Variants in P2RY8 observed in about 807,000 individuals in gnomAD.
The protein encoded by P2RY8 is S-geranylgeranyl-glutathione receptor P2RY8.
P2RY8 carries 6 observed loss-of-function variants against 10.0 expected under a neutral mutation model. The ratio of observed to expected loss-of-function variants is 0.60; its 90% CI spans 0.33 to 1.19. P2RY8 has a LOEUF of 1.19. Ranked by LOEUF, P2RY8 falls within the 50% of genes most tolerant of loss-of-function variation. P2RY8 has a pLI of 0.04. For missense variants in P2RY8, 456 were observed against 542.0 expected, an observed-to-expected ratio of 0.84 and a Z score of 1.58; for synonymous variants, 276 against 252.5, an observed-to-expected ratio of 1.09 and a Z score of -0.88.
Position 1,489,355 on chromosome X carries a change from C to T in P2RY8, c.-24-22773G>A, listed in dbSNP as rs1253730853. 7.4e-4 allele frequency among the ~76,000 whole-genome samples: 108 copies of T among 146,150 alleles called. 1 individual carries two copies. Among genetic ancestry groups the T allele is most frequent in the African/African-American group, 2.2e-3 (85 of 39,270 alleles). Reference sequence around the variant, plus strand: ...ACAGTGGAGAGAATGAATGAATGAACGACACCTAAGGATTCCTCACAAATG... The same window carrying T: ...ACAGTGGAGAGAATGAATGAATGAATGACACCTAAGGATTCCTCACAAATG... On this transcript the variant is annotated intron_variant, in intron 1 of 1. Coordinates refer to ENST00000381297, the MANE Select transcript of P2RY8 (RefSeq NM_178129.5).
rs1200187181 is a variant in P2RY8, at chrX:1,463,221, C to T, written c.*2258G>A. ...CAAGGCCCACGCTCAGCACTTGCGA[C>T]CTGTACTCCTGCAGCCTGGATGCTT... On this transcript the variant is annotated 3_prime_UTR_variant, in exon 2 of 2. Transcript: ENST00000381297. 4.3e-6 allele frequency: 1 copy of T among 233,242 alleles called. No homozygotes were observed. The highest frequency in any genetic ancestry group is 8.5e-6 in the Non-Finnish European group (1 of 118,044). The allele number at this position is 233,242 out of a possible 1,614,324, so 14.4% of individuals were successfully genotyped here.
chrX:1,501,877 G>A (rs1193808497), intron 1 of P2RY8, among the ~76,000 whole-genome samples: 1 of 151,670 alleles, frequency 6.6e-6, no homozygotes, highest in Non-Finnish European at 1.5e-5. Context: ...ACAGGCATGA[G>A]CCACCACGCC....
intron 1 of P2RY8, among the ~76,000 whole-genome samples, chrX:1,505,714 A>T (rs1340789922): frequency 1.3e-5 from 2 of 151,714 alleles, no homozygotes; most frequent in African/African-American, 4.8e-5. Flanking sequence ...CGCTTGAACC[A>T]GGGAGGCGGA....
intron 1 of P2RY8, among the ~76,000 whole-genome samples, chrX:1,478,342 T>C (rs1401568770): frequency 1.3e-5 from 2 of 150,928 alleles, no homozygotes; most frequent in East Asian, 1.9e-4. Flanking sequence ...ACTAGAGAGA[T>C]TGCAGAAGGC....
chrX:1,471,790 A>C (rs1376494621), intron 1 of P2RY8, among the ~76,000 whole-genome samples: 1 of 152,118 alleles, frequency 6.6e-6, no homozygotes, highest in Non-Finnish European at 1.5e-5. Context: ...CAGGGATTGC[A>C]TGCCGGTGAC....
chrX:1,518,591 G>A (rs1381586849), intron 1 of P2RY8, among the ~76,000 whole-genome samples: 1 of 151,098 alleles, frequency 6.6e-6, no homozygotes, highest in Non-Finnish European at 1.5e-5. Flanking sequence ...TAATATTCTT[G>A]CTGGGCCCAA....
In P2RY8 at chrX:1,536,936, G is replaced by A. The variant is rs1178643274; in HGVS notation, c.-40C>T. 5 of 227,762 alleles carry A rather than the reference G, an allele frequency of 2.2e-5. No individual in the cohort carries two copies. The highest frequency in any genetic ancestry group is 3.5e-5 in the Non-Finnish European group (4 of 114,852). 14.1% of individuals were successfully genotyped at this position (227,762 alleles called of 1,614,324 possible). On this transcript the variant is annotated 5_prime_UTR_variant, in exon 1 of 2. Transcript: ENST00000381297. The stretch of plus-strand genomic sequence containing the variant: ...GGCGGCTCACCTGTGCAGAAGCAGC[G>A]GCAGAAGTAGCAGGTGAGAGCTCAG...
chrX:1,514,210 C>G (rs773397222), intron 1 of P2RY8, among the ~76,000 whole-genome samples: 1 of 152,286 alleles, frequency 6.6e-6, no homozygotes, highest in East Asian at 1.9e-4. Context: ...CAGGTAAGTA[C>G]AATTCTGTTT....
chrX:1,479,805 A>C (rs2091914561), intron 1 of P2RY8, among the ~76,000 whole-genome samples: 1 of 152,206 alleles, frequency 6.6e-6, no homozygotes, highest in Admixed American at 6.5e-5. Context: ...TAAATGAAAG[A>C]GGAGACATCA....
intron 1 of P2RY8, among the ~76,000 whole-genome samples, chrX:1,480,393 G>GT (rs10552339): frequency 0.19 from 27,335 of 147,734 alleles, 2,735 homozygotes; most frequent in African/African-American, 0.21. Flanking sequence ...CGCTTCCCGG[G>GT]TTTTTTTTTT....
intron 1 of P2RY8, among the ~76,000 whole-genome samples, chrX:1,471,748 G>T (rs1164272967): frequency 3.3e-5 from 5 of 152,132 alleles, no homozygotes; most frequent in African/African-American, 1.2e-4. Context: ...GTTGGGATGA[G>T]AAATAGACAA....
At chrX:1,508,602 A>G (rs112634037) in intron 1 of P2RY8, among the ~76,000 whole-genome samples, 30,184 of 108,100 alleles carry the variant, frequency 0.28, 3,522 homozygotes, top group Middle Eastern at 0.5. Context: ...CTGTCTAGCC[A>G]TCTATCTATC....
At chrX:1,471,132 G>A (rs2091779233) in intron 1 of P2RY8, among the ~76,000 whole-genome samples, 1 of 151,632 alleles carries the variant, frequency 6.6e-6, no homozygotes, top group Non-Finnish European at 1.5e-5. Context: ...CTCAGCCTCT[G>A]GAGTAGCTGG....
At chrX:1,500,307 TC>T (rs1320844233) in intron 1 of P2RY8, among the ~76,000 whole-genome samples, 5 of 152,116 alleles carry the variant, frequency 3.3e-5, no homozygotes, top group African/African-American at 1.2e-4. Flanking sequence ...AGGTAGGGTC[TC>T]ACTCTGTTGC....
At position 1,485,548 on chromosome X, in the gene P2RY8, G is replaced by T. The variant is rs1319081459; in HGVS notation, c.-24-18966C>A. Among the ~76,000 whole-genome samples, 328 of 150,064 alleles carry T rather than the reference G, an allele frequency of 2.2e-3. 2 individuals are homozygous for T. Among genetic ancestry groups the T allele is most frequent in the Middle Eastern group, 0.011 (3 of 278 alleles). ...GTTTCTCTTTTATATTGTAATTAAG[G>T]CTATATGGATATGTAAATTTAATAT... On this transcript the variant is annotated intron_variant, in intron 1 of 1. Transcript: ENST00000381297.
intron 1 of P2RY8, among the ~76,000 whole-genome samples, chrX:1,517,072 A>G (rs1477902157): frequency 1.3e-5 from 2 of 151,996 alleles, no homozygotes; most frequent in Non-Finnish European, 2.9e-5. Flanking sequence ...CTACAAGCCA[A>G]AGAGACAAGC....
At chrX:1,522,689 T>G (rs2092401578) in intron 1 of P2RY8, among the ~76,000 whole-genome samples, 1 of 151,838 alleles carries the variant, frequency 6.6e-6, no homozygotes, top group South Asian at 2.1e-4. Context: ...AAGGATTGCT[T>G]GAGGCCAGGA....
chrX:1,511,468 G>A (rs2092297245), intron 1 of P2RY8, among the ~76,000 whole-genome samples: 1 of 152,176 alleles, frequency 6.6e-6, no homozygotes, highest in South Asian at 2.1e-4. Flanking sequence ...ACATTTCCCA[G>A]CCTGTTAGGC....
chrX:1,504,628 G>A (rs1404764496), intron 1 of P2RY8, among the ~76,000 whole-genome samples: 1 of 152,154 alleles, frequency 6.6e-6, no homozygotes, highest in Non-Finnish European at 1.5e-5. Flanking sequence ...GAGGCAGGTG[G>A]ATCACTTGAG....
Sources: allele counts gnomAD v4.1 joint callset (sites outside exome capture counted in the v4.1 genomes callset), GRCh38; gene constraint gnomAD v4.1.1; transcripts MANE v1.5; gene names NCBI Gene and HGNC (gene_info 2026-07-23, HGNC 2026-07-21).